The following FAAH2 variants were observed in gnomAD, a reference collection of about 807,000 sequenced individuals.
The protein encoded by FAAH2 is fatty acid amide hydrolase 2.
In FAAH2, 60 loss-of-function variants were observed where a neutral mutation model predicts 36.9. That is an observed-to-expected ratio of 1.63 (90% confidence interval 1.32 to 2.02). The LOEUF (loss-of-function observed/expected upper bound fraction) is 2.02. FAAH2 is among the 30% of genes most tolerant of loss of function. FAAH2 has a pLI of 0.00. For synonymous variants in FAAH2, 214 were observed against 143.8 expected (o/e 1.49, Z -3.49); for missense variants, 689 against 397.5 (o/e 1.73, Z -6.23).
the FAAH2 span, among the ~76,000 whole-genome samples, chrX:57,161,898 T>C: frequency 8.9e-6 from 1 of 111,736 alleles, no homozygotes; most frequent in Non-Finnish European, 1.9e-5. Flanking sequence ...TTTGATCCTG[T>C]CATTATGATG....
At chrX:57,387,136 T>C (rs2055044814) in intron 7 of FAAH2, among the ~76,000 whole-genome samples, 1 of 111,800 alleles carries the variant, frequency 8.9e-6, no homozygotes, top group Non-Finnish European at 1.9e-5. Context: ...CTGTTTCTGA[T>C]TAAAAATTAT....
chrX:57,342,667 T>C (rs1285545618), intron 5 of FAAH2, among the ~76,000 whole-genome samples: 1 of 111,269 alleles, frequency 9.0e-6, no homozygotes, highest in Non-Finnish European at 1.9e-5. Flanking sequence ...TGCGGGCTTA[T>C]TACATGGGTA....
chrX:57,421,357 C>G (rs1197008351), intron 7 of FAAH2, among the ~76,000 whole-genome samples: 2 of 111,908 alleles, frequency 1.8e-5, no homozygotes, highest in African/African-American at 3.2e-5. Flanking sequence ...GTGGGTGAGA[C>G]CGGAGAGTTG....
chrX:57,216,322 T>G, the FAAH2 span, among the ~76,000 whole-genome samples: 3 of 104,836 alleles, frequency 2.9e-5, no homozygotes, highest in Admixed American at 3.2e-4. Context: ...ATCATTCTTA[T>G]GCCTTTGTGT....
upstream of FAAH2, among the ~76,000 whole-genome samples, chrX:57,282,688 A>C (rs1431351233): frequency 8.9e-6 from 1 of 112,120 alleles, no homozygotes; most frequent in Non-Finnish European, 1.9e-5. Flanking sequence ...ATATATTAAC[A>C]GTATTTTCGG....
chrX:57,399,156 C>A (rs1388396278), intron 7 of FAAH2, among the ~76,000 whole-genome samples: 2 of 111,274 alleles, frequency 1.8e-5, no homozygotes, highest in South Asian at 7.7e-4. Flanking sequence ...ACAAACTTAA[C>A]AAGGAGGTTA....
the FAAH2 span, among the ~76,000 whole-genome samples, chrX:57,261,298 A>C: frequency 1.6e-4 from 18 of 111,064 alleles, no homozygotes; most frequent in African/African-American, 5.6e-4. Context: ...CAGATCTGTA[A>C]TCCCAGCTCT....
chrX:57,265,030 C>A, the FAAH2 span, among the ~76,000 whole-genome samples: 2,419 of 111,678 alleles, frequency 0.022, 55 homozygotes, highest in African/African-American at 0.074. Context: ...GCCAAGGGAA[C>A]CTCTCTCACC....
intron 5 of FAAH2, among the ~76,000 whole-genome samples, chrX:57,369,554 T>C (rs2054500205): frequency 8.9e-6 from 1 of 111,782 alleles, no homozygotes; most frequent in Non-Finnish European, 1.9e-5. Flanking sequence ...CTAAGGAGAA[T>C]GGGATGGTAT....
chrX:57,381,161 A>G, intron 7 of FAAH2, 132 bp downstream of exon 7: 1 of 426,756 alleles, frequency 2.3e-6, no homozygotes, highest in Non-Finnish European at 3.9e-6. Flanking sequence ...CAGTTATACT[A>G]AGGAATTTTG....
At chrX:57,271,674 C>T in the FAAH2 span, among the ~76,000 whole-genome samples, 14 of 111,836 alleles carry the variant, frequency 1.3e-4, no homozygotes, top group African/African-American at 4.5e-4. Flanking sequence ...AGCAGAGGGG[C>T]CTGACTGTTA....
chrX:57,277,879 C>G, the FAAH2 span, among the ~76,000 whole-genome samples: 1 of 111,427 alleles, frequency 9.0e-6, no homozygotes, highest in African/African-American at 3.3e-5. Flanking sequence ...AGGTGAAGGA[C>G]CTCTTCAAGG....
chrX:57,470,361 A>G (rs12010302), intron 10 of FAAH2, among the ~76,000 whole-genome samples: 70 of 111,798 alleles, frequency 6.3e-4, no homozygotes, highest in African/African-American at 2.0e-3. Flanking sequence ...AGCAAGACTA[A>G]TAAAGAAGAA....
the FAAH2 span, among the ~76,000 whole-genome samples, chrX:57,159,822 C>T: frequency 9.0e-6 from 1 of 111,329 alleles, no homozygotes; most frequent in Non-Finnish European, 1.9e-5. Context: ...TAAATGAATG[C>T]CCTTTATTTC....
intron 2 of FAAH2, among the ~76,000 whole-genome samples, chrX:57,309,450 C>T (rs1426001724): frequency 8.9e-6 from 1 of 111,879 alleles, no homozygotes; most frequent in Non-Finnish European, 1.9e-5. Context: ...TTTTAGGAAA[C>T]ACCACTTTTT....
At chrX:57,133,461 T>C in the FAAH2 span, among the ~76,000 whole-genome samples, 20 of 111,890 alleles carry the variant, frequency 1.8e-4, no homozygotes, top group African/African-American at 5.2e-4. Context: ...TTCCAGGGAA[T>C]GACTGTGCCT....
At chrX:57,425,628 T>G (rs2056142804) in intron 7 of FAAH2, among the ~76,000 whole-genome samples, 1 of 111,515 alleles carries the variant, frequency 9.0e-6, no homozygotes, top group Non-Finnish European at 1.9e-5. Context: ...TGTTTATAAA[T>G]GAAGAAATGA....
intron 10 of FAAH2, 112 bp from the exon 11 acceptor site, chrX:57,488,645 T>C (rs1278455327): frequency 1.4e-6 from 1 of 734,184 alleles, no homozygotes; most frequent in African/African-American, 2.2e-5. Flanking sequence ...CCTAAGTAGA[T>C]AGTAAATTAT....
chrX:57,261,661 G>A, the FAAH2 span, among the ~76,000 whole-genome samples: 1 of 109,297 alleles, frequency 9.1e-6, no homozygotes. Flanking sequence ...ATTAATTGTT[G>A]CCAGGGATGG....
Sources: gnomAD v4.1 joint callset for allele counts (sites outside exome capture counted in the v4.1 genomes callset) on GRCh38, gnomAD v4.1.1 for gene constraint, MANE v1.5 for transcripts, NCBI Gene and HGNC (gene_info 2026-07-23, HGNC 2026-07-21) for gene names.